PTPN4: variants seen among roughly 807,000 people sequenced by gnomAD.
PTPN4 encodes protein tyrosine phosphatase non-receptor type 4.
A neutral mutation model predicts 135.5 loss-of-function variants in PTPN4; 49 were observed. The ratio of observed to expected loss-of-function variants is 0.36; its 90% CI spans 0.29 to 0.46. The LOEUF (loss-of-function observed/expected upper bound fraction) is 0.46, where lower values mean the gene tolerates loss of function less well. Ranked by LOEUF, PTPN4 falls within the 20% of genes least tolerant of loss-of-function variation. PTPN4 has a pLI of 1.00. For missense variants in PTPN4, 860 were observed against 1,101.0 expected (o/e 0.78, Z 3.10); for synonymous variants, 333 against 369.9 (o/e 0.90, Z 1.14).
At chr2:119,961,244 T>A (rs1248842615) in intron 23 of PTPN4, among the ~76,000 whole-genome samples, 2 of 131,806 alleles carry the variant, frequency 1.5e-5, no homozygotes, top group African/African-American at 5.6e-5. Context: ...AAATAAATAA[T>A]GCAATTTAAA....
Position 119,889,376 on chromosome 2 carries a change from C to T in PTPN4, c.675+3494C>T, listed in dbSNP as rs112264557. On this transcript the variant is annotated intron_variant, in intron 9 of 26. Transcript: ENST00000263708. Reference sequence around the variant, plus strand: ...CGGAGCTTGCAGTGAGCCGAGATGGCGCCACTGCACTCCAGCCTGGGCGAC... The same window carrying T: ...CGGAGCTTGCAGTGAGCCGAGATGGTGCCACTGCACTCCAGCCTGGGCGAC... 8.7e-3 allele frequency among the ~76,000 whole-genome samples: 1,328 copies of T among 152,130 alleles called. 14 individuals are homozygous for T. The highest frequency in any genetic ancestry group is 0.017 in the South Asian group (82 of 4,818).
At chr2:119,869,039 A>G (rs1677872219) in intron 3 of PTPN4, among the ~76,000 whole-genome samples, 1 of 152,240 alleles carries the variant, frequency 6.6e-6, no homozygotes, top group Non-Finnish European at 1.5e-5. Context: ...AGCCTTGTAT[A>G]CAAATGTTCA....
intron 1 of PTPN4, among the ~76,000 whole-genome samples, chr2:119,785,252 A>G (rs1478532337): frequency 6.6e-6 from 1 of 152,216 alleles, no homozygotes; most frequent in East Asian, 1.9e-4. Context: ...TTTCTCAAAG[A>G]TATTGATATG....
At chr2:119,844,901 T>C (rs1488802450) in intron 2 of PTPN4, among the ~76,000 whole-genome samples, 3 of 151,300 alleles carry the variant, frequency 2.0e-5, no homozygotes, top group Admixed American at 1.3e-4. Flanking sequence ...CCAAGGCAGG[T>C]GGCTGGGAGG....
intron 10 of PTPN4, among the ~76,000 whole-genome samples, chr2:119,906,558 C>T (rs1678492070): frequency 6.6e-6 from 1 of 151,962 alleles, no homozygotes; most frequent in African/African-American, 2.4e-5. Flanking sequence ...GATTGAAAAC[C>T]AAAAACCATG....
intron 6 of PTPN4, 133 bp from the exon 7 acceptor site, chr2:119,881,964 T>C: frequency 9.3e-7 from 1 of 1,074,908 alleles, no homozygotes; most frequent in Non-Finnish European, 1.4e-6. Flanking sequence ...ATTCCTTTCA[T>C]CAGATAAGTT....
rs140323779 is a variant in PTPN4 at position 119,873,926 on chromosome 2, A to C, written c.247-3397A>C. Among the ~76,000 whole-genome samples the C allele has an allele frequency of 2.7e-3, 406 of 152,306 alleles. 1 individual carries two copies. The highest frequency in any genetic ancestry group is 4.7e-3 in the Non-Finnish European group (322 of 68,014). On this transcript the variant is annotated intron_variant, in intron 3 of 26. Transcript: ENST00000263708. ...ATGTGATTTCAAGATGTATTAAAAC[A>C]GTTACTTTAAGCAGTTCCACTCCCA...
chr2:119,954,057 T>G (rs1679246313), intron 19 of PTPN4, among the ~76,000 whole-genome samples: 1 of 152,244 alleles, frequency 6.6e-6, no homozygotes, highest in Non-Finnish European at 1.5e-5. Context: ...TAATTAAAAT[T>G]TAAAACTGTG....
rs1558732859 is a variant in PTPN4, at chr2:119,809,914, G to T, written c.61G>T (p.Ala21Ser). 6.2e-6 allele frequency: 10 copies of T among 1,613,524 alleles called. No individual in the cohort carries two copies. The highest frequency in any genetic ancestry group is 1.7e-5 in the Admixed American group (1 of 59,934). ...RTYNVRASEL[A>S]RDRQHTEVVC... ...CTACAATGTACGAGCATCAGAGTTGGCCCGAGACAGACAGCATACTGAAGT... is the reference window on the plus strand; with the variant it reads ...CTACAATGTACGAGCATCAGAGTTGTCCCGAGACAGACAGCATACTGAAGT... Residue 21 changes from alanine to serine, a missense_variant, in exon 2 of 27, where the codon GCC becomes TCC. Physicochemically the swap from Ala to Ser is moderately conservative, Grantham distance 99 (BLOSUM62 1). Coordinates refer to ENST00000263708, the MANE Select transcript of PTPN4 (RefSeq NM_002830.4).
chr2:119,948,026 T>A (rs1373513908), intron 18 of PTPN4, among the ~76,000 whole-genome samples: 1 of 152,174 alleles, frequency 6.6e-6, no homozygotes, highest in East Asian at 1.9e-4. Flanking sequence ...CCGTTGTGAC[T>A]GGGGGACAAG....
At chr2:119,798,880 G>A (rs1473868550) in intron 1 of PTPN4, among the ~76,000 whole-genome samples, 2 of 152,206 alleles carry the variant, frequency 1.3e-5, no homozygotes, top group Non-Finnish European at 2.9e-5. Flanking sequence ...AACTAGTGGA[G>A]TATGAGGCAG....
intron 1 of PTPN4, among the ~76,000 whole-genome samples, chr2:119,779,507 C>G (rs1186722563): frequency 6.6e-6 from 1 of 151,720 alleles, no homozygotes; most frequent in Admixed American, 6.6e-5. Context: ...GTCCCAGCTA[C>G]TCGGGAGGCT....
chr2:119,885,379 G>C (rs1053676236), intron 8 of PTPN4, among the ~76,000 whole-genome samples: 1 of 152,146 alleles, frequency 6.6e-6, no homozygotes, highest in Non-Finnish European at 1.5e-5. Flanking sequence ...CTCTGTCTGT[G>C]CACCACACTC....
chr2:119,943,194 T>G (rs1679084364), intron 15 of PTPN4, among the ~76,000 whole-genome samples: 1 of 152,232 alleles, frequency 6.6e-6, no homozygotes, highest in Admixed American at 6.5e-5. Flanking sequence ...TCATTCATTA[T>G]TAATCCCAGC....
At position 119,809,938 on chromosome 2, in the gene PTPN4, G is replaced by A; in HGVS notation, c.85G>A (p.Val29Met). 6.2e-7 allele frequency: 1 copy of A among 1,613,638 alleles called. No homozygotes were observed. The highest frequency in any genetic ancestry group is 8.5e-7 in the Non-Finnish European group (1 of 1,179,778). ...GGCCCGAGACAGACAGCATACTGAA[G>A]TGGTTTGCAACATCCTTCTTCTGGA... Reference protein sequence around the residue: ...ELARDRQHTEVVCNILLLDNT... With the variant: ...ELARDRQHTEMVCNILLLDNT... The change falls in exon 2 of 27, where the codon GTG (valine) becomes ATG (methionine). Residue 29 changes from valine (V) to methionine (M), a missense_variant. Val to Met is a conservative substitution (Grantham distance 21, BLOSUM62 1). This residue lies in a region of PTPN4 where 684 missense variants were observed against 807.0 expected (regional missense o/e 0.85). Transcript: ENST00000263708.
intron 2 of PTPN4, among the ~76,000 whole-genome samples, chr2:119,821,072 A>G (rs1574351718): frequency 7.1e-6 from 1 of 141,546 alleles, no homozygotes; most frequent in Non-Finnish European, 1.6e-5. Context: ...TTTTCCATTT[A>G]CCTTTTGAAT....
intron 2 of PTPN4, among the ~76,000 whole-genome samples, chr2:119,862,306 G>C (rs1677772677): frequency 6.6e-6 from 1 of 152,124 alleles, no homozygotes; most frequent in South Asian, 2.1e-4. Context: ...CAGTTACCAA[G>C]TTAACCCATT....
In PTPN4 at chr2:119,967,846, C is replaced by A. The variant is rs775198246; in HGVS notation, c.2568C>A (p.Ile856=). 1 of 1,599,494 alleles carries A rather than the reference C, an allele frequency of 6.3e-7. No homozygotes were observed. The highest frequency in any genetic ancestry group is 8.5e-7 in the Non-Finnish European group (1 of 1,171,210). Residue 856 remains isoleucine (I), a synonymous_variant, in exon 26 of 27, where the codon ATC becomes ATA. Coordinates refer to ENST00000263708, the MANE Select transcript of PTPN4 (RefSeq NM_002830.4). ...EPVVVHCSAG[I]GRTGVLITME... is the part of the protein sequence containing the mutation. ...TATTTGTCTTTTTTAGTGCTGGAAT[C>A]GGAAGAACTGGGGTTCTTATTACTA...
At position 119,762,795 on chromosome 2, in the gene PTPN4, A is replaced by G. The variant is rs75023959; in HGVS notation, c.-18+2411A>G. Among the ~76,000 whole-genome samples, 1,131 of 152,230 alleles carry G rather than the reference A, an allele frequency of 7.4e-3. 13 individuals carry two copies. Among genetic ancestry groups the G allele is most frequent in the African/African-American group, 0.026 (1,068 of 41,560 alleles). On this transcript the variant is annotated intron_variant, in intron 1 of 26. Coordinates refer to ENST00000263708, the MANE Select transcript of PTPN4 (RefSeq NM_002830.4). ...TGTTGCTCCTATGTAAAATTTAGTT[A>G]TTGGTAGAAGTTTACTAACTGAGTT...
Sources: allele counts gnomAD v4.1 joint callset (sites outside exome capture counted in the v4.1 genomes callset), GRCh38; gene constraint gnomAD v4.1.1; regional missense constraint gnomAD v4.1.1; transcripts MANE v1.5; gene names NCBI Gene and HGNC (gene_info 2026-07-23, HGNC 2026-07-21).